TUSC3: variants seen among roughly 807,000 people sequenced by gnomAD.
The protein encoded by TUSC3 is dolichyl-diphosphooligosaccharide--protein glycosyltransferase subunit TUSC3.
TUSC3 carries 45 observed loss-of-function variants against 44.8 expected under a neutral mutation model. The ratio of observed to expected loss-of-function variants is 1.00; its 90% confidence interval spans 0.79 to 1.29. The LOEUF (loss-of-function observed/expected upper bound fraction) is 1.29, where lower values mean the gene tolerates loss of function less well. Among genes scored for constraint, TUSC3 ranks in the 50% most tolerant of loss-of-function variants. The probability of loss-of-function intolerance (pLI) is 0.00; values close to 1 mark genes in which losing one functional copy is unlikely to be tolerated. For missense variants in TUSC3, 519 were observed against 437.9 expected (o/e 1.19, Z -1.65); for synonymous variants, 212 against 152.9 (o/e 1.39, Z -2.85).
At chr8:15,602,666 A>ATGTGTGTGTGTGTGTGTG (rs60206119) in intron 1 of TUSC3, among the ~76,000 whole-genome samples, 58 of 145,868 alleles carry the variant, frequency 4.0e-4, no homozygotes, top group African/African-American at 1.4e-3. Context: ...AAATATTTAT[A>ATGTGTGTGTGTGTGTGTG]TGTGTGTGTG....
intron 7 of TUSC3, among the ~76,000 whole-genome samples, chr8:15,737,256 A>G (rs1005852260): frequency 1.3e-5 from 2 of 152,136 alleles, no homozygotes; most frequent in African/African-American, 4.8e-5. Flanking sequence ...ATGTGCTAAC[A>G]TTTTTTTCAA....
chr8:15,851,970 A>C, the TUSC3 span, among the ~76,000 whole-genome samples: 93 of 151,954 alleles, frequency 6.1e-4, 1 homozygote, highest in South Asian at 2.7e-3. Flanking sequence ...TTTTGCTTGG[A>C]TCTCATTTTT....
In TUSC3 at chr8:15,691,004, T is replaced by C. The variant is rs149708837; in HGVS notation, c.798+17168T>C. ...ATTCAGGCTATTTTTTGGTTCCATA[T>C]GAATTTTAAAATAGTTTTTTTCCTA... On this transcript the variant is annotated intron_variant, in intron 6 of 10. Coordinates refer to ENST00000503731, the MANE Select transcript of TUSC3 (RefSeq NM_006765.4). Among the ~76,000 whole-genome samples, 54 of 148,234 alleles carry C rather than the reference T, an allele frequency of 3.6e-4. 1 individual carries two copies. The highest frequency in any genetic ancestry group is 6.4e-4 in the African/African-American group (26 of 40,314).
At chr8:15,687,702 C>G (rs979656633) in intron 6 of TUSC3, among the ~76,000 whole-genome samples, 2 of 152,150 alleles carry the variant, frequency 1.3e-5, no homozygotes, top group African/African-American at 4.8e-5. Context: ...CAACGAAGAA[C>G]CTTGTGATTT....
At chr8:15,655,667 C>A (rs114799898) in intron 3 of TUSC3, among the ~76,000 whole-genome samples, 4,548 of 152,254 alleles carry the variant, frequency 0.03, 189 homozygotes, top group African/African-American at 0.1. Context: ...TGCTTTATAA[C>A]CCTCAGATGA....
intron 1 of TUSC3, among the ~76,000 whole-genome samples, chr8:15,474,193 C>G (rs1056100875): frequency 2.0e-5 from 3 of 152,118 alleles, no homozygotes; most frequent in Admixed American, 1.3e-4. Flanking sequence ...GCAGTCAGAC[C>G]TTATGGTTGT....
intron 9 of TUSC3, 136 bp downstream of exon 9, chr8:15,748,601 A>G (rs754851220): frequency 1.2e-6 from 1 of 811,540 alleles, no homozygotes; most frequent in South Asian, 1.3e-5. Context: ...GTTTTTGAGC[A>G]CCTGCCATGT....
chr8:15,430,301 C>T (rs1221759767), intron 1 of TUSC3, among the ~76,000 whole-genome samples: 4 of 147,982 alleles, frequency 2.7e-5, no homozygotes, highest in Non-Finnish European at 6.0e-5. Context: ...GGCTTCATCC[C>T]TGAGAGGCAA....
At chr8:15,807,340 C>G in the TUSC3 span, 1 of 407,234 alleles carries the variant, frequency 2.5e-6, no homozygotes, top group Non-Finnish European at 4.5e-6. Context: ...AAAACCAAAA[C>G]AAGTCAACAA....
chr8:15,535,229 A>G (rs28664761), upstream of TUSC3, among the ~76,000 whole-genome samples: 31,655 of 152,198 alleles, frequency 0.21, 3,267 homozygotes, highest in Middle Eastern at 0.27. Context: ...TAGTTCTTGG[A>G]AGGTCTTTGT....
At chr8:15,562,319 C>G (rs1802507130) in intron 1 of TUSC3, among the ~76,000 whole-genome samples, 1 of 152,108 alleles carries the variant, frequency 6.6e-6, no homozygotes, top group South Asian at 2.1e-4. Flanking sequence ...TGTGGCATAG[C>G]TAATAAAACC....
chr8:15,560,775 C>G (rs2129139834), intron 1 of TUSC3, among the ~76,000 whole-genome samples: 1 of 122,262 alleles, frequency 8.2e-6, no homozygotes, highest in African/African-American at 3.0e-5. Flanking sequence ...CGCTGATACC[C>G]TCTCTTCCAG....
intron 1 of TUSC3, among the ~76,000 whole-genome samples, chr8:15,572,445 G>C (rs1802913148): frequency 6.6e-6 from 1 of 152,128 alleles, no homozygotes; most frequent in Admixed American, 6.6e-5. Flanking sequence ...TTACTGATTT[G>C]ATCTATCCAA....
At chr8:15,787,919 A>T in the TUSC3 span, among the ~76,000 whole-genome samples, 1 of 152,226 alleles carries the variant, frequency 6.6e-6, no homozygotes, top group African/African-American at 2.4e-5. Context: ...GAGATGAATG[A>T]GGTTATGTAG....
intron 1 of TUSC3, among the ~76,000 whole-genome samples, chr8:15,422,789 C>G (rs1343586208): frequency 6.6e-6 from 1 of 151,950 alleles, no homozygotes; most frequent in Non-Finnish European, 1.5e-5. Flanking sequence ...ACTACAGGCA[C>G]CCACCACCAA....
At chr8:15,564,778 T>G (rs1490496196) in intron 1 of TUSC3, among the ~76,000 whole-genome samples, 1 of 151,994 alleles carries the variant, frequency 6.6e-6, no homozygotes, top group Non-Finnish European at 1.5e-5. Flanking sequence ...CCATCAAGAT[T>G]TCCCCACGCT....
intron 6 of TUSC3, among the ~76,000 whole-genome samples, chr8:15,687,839 A>T (rs1190992615): frequency 6.6e-6 from 1 of 152,238 alleles, no homozygotes; most frequent in Non-Finnish European, 1.5e-5. Flanking sequence ...CAAAATGTTA[A>T]GTATATCAGA....
chr8:15,421,862 TTA>T (rs1344187335), intron 1 of TUSC3, among the ~76,000 whole-genome samples: 7 of 152,196 alleles, frequency 4.6e-5, no homozygotes, highest in African/African-American at 1.2e-4. Context: ...TAGTCTGATT[TTA>T]TGTTTTCTTA....
At chr8:15,747,990 A>G (rs771340855) in intron 8 of TUSC3, among the ~76,000 whole-genome samples, 10 of 152,246 alleles carry the variant, frequency 6.6e-5, no homozygotes, top group Admixed American at 5.9e-4. Context: ...AATATAGCCA[A>G]TGCTTCATAA....
Sources: allele counts gnomAD v4.1 joint callset (sites outside exome capture counted in the v4.1 genomes callset), GRCh38; gene constraint gnomAD v4.1.1; transcripts MANE v1.5; gene names NCBI Gene and HGNC (gene_info 2026-07-23, HGNC 2026-07-21).